The following RABEP1 variants were observed in gnomAD, a reference collection of about 807,000 sequenced individuals.
RABEP1 encodes rabaptin, RAB GTPase binding effector protein 1.
RABEP1 carries 51 observed loss-of-function variants against 123.4 expected under a neutral mutation model. The observed-to-expected ratio is 0.41, with a 90% confidence interval of 0.33 to 0.52. The LOEUF (loss-of-function observed/expected upper bound fraction) is 0.52, where lower values mean the gene tolerates loss of function less well. Ranked by LOEUF, RABEP1 falls within the 20% of genes least tolerant of loss-of-function variation. The probability of loss-of-function intolerance (pLI) is 0.16; values close to 1 mark genes in which losing one functional copy is unlikely to be tolerated. For synonymous variants in RABEP1, 347 were observed against 355.2 expected, an observed-to-expected ratio of 0.98 and a Z score of 0.26; for missense variants, 888 against 996.3, an observed-to-expected ratio of 0.89 and a Z score of 1.46.
chr17:5,367,543 A>G (rs957500924), intron 11 of RABEP1, among the ~76,000 whole-genome samples: 4 of 151,836 alleles, frequency 2.6e-5, no homozygotes, highest in Non-Finnish European at 4.4e-5. Flanking sequence ...TGCTAGGATT[A>G]CAGGCGTGAG....
At chr17:5,362,170 A>C in intron 9 of RABEP1, 1 of 161,906 alleles carries the variant, frequency 6.2e-6, no homozygotes, top group Non-Finnish European at 1.4e-5. Context: ...CTCCTTAGAG[A>C]ATTTGTAAAT....
intron 2 of RABEP1, among the ~76,000 whole-genome samples, chr17:5,323,546 C>A (rs1417403665): frequency 2.7e-5 from 4 of 150,596 alleles, no homozygotes; most frequent in African/African-American, 9.8e-5. Flanking sequence ...TTAATATATA[C>A]CAACAGTGAA....
rs372488968 is a variant in RABEP1, at chr17:5,332,120, A to G, written c.335A>G (p.Glu112Gly). 1.2e-6 allele frequency: 2 copies of G among 1,614,100 alleles called. No individual in the cohort carries two copies. Among genetic ancestry groups the G allele is most frequent in the Non-Finnish European group, 1.7e-6 (2 of 1,180,020 alleles). ...GATGAAGTGAAAAGACAGTGGAGAG[A>G]AGAAGTTGCTTCACTTCAGGCTGTT... Reference protein sequence around the residue: ...AIDEVKRQWREEVASLQAVMK... With the variant: ...AIDEVKRQWRGEVASLQAVMK... Residue 112 changes from glutamate (E) to glycine (G), a missense_variant, in exon 3 of 18, where the codon GAA becomes GGA. Transcript: ENST00000537505.
intron 12 of RABEP1, among the ~76,000 whole-genome samples, chr17:5,369,699 C>CT (rs888010808): frequency 4.2e-4 from 62 of 146,786 alleles, no homozygotes; most frequent in South Asian, 1.5e-3. Context: ...TCCTTCTTGT[C>CT]TTTTTTTTTT....
intron 8 of RABEP1, among the ~76,000 whole-genome samples, chr17:5,354,826 A>G (rs564859914): frequency 6.6e-6 from 1 of 152,302 alleles, no homozygotes; most frequent in East Asian, 1.9e-4. Flanking sequence ...TTTTTGTTTA[A>G]AAAGAGATTA....
At chr17:5,338,892 C>T (rs1907329610) in intron 5 of RABEP1, among the ~76,000 whole-genome samples, 1 of 152,140 alleles carries the variant, frequency 6.6e-6, no homozygotes, top group Non-Finnish European at 1.5e-5. Context: ...TGTTGTGGCT[C>T]ACACCTGTAA....
At chr17:5,340,517 T>C (rs1185683409) in intron 5 of RABEP1, among the ~76,000 whole-genome samples, 1 of 152,004 alleles carries the variant, frequency 6.6e-6, no homozygotes, top group African/African-American at 2.4e-5. Context: ...CCCAATTCTG[T>C]AACTATGGGT....
At chr17:5,362,274 A>G (rs1343236617) in intron 9 of RABEP1, among the ~76,000 whole-genome samples, 1 of 152,242 alleles carries the variant, frequency 6.6e-6, no homozygotes, top group Admixed American at 6.5e-5. Context: ...TTTAAGCTTT[A>G]TCATTATAAT....
At chr17:5,374,722 C>G (rs1180940413) in intron 13 of RABEP1, among the ~76,000 whole-genome samples, 1 of 152,214 alleles carries the variant, frequency 6.6e-6, no homozygotes. Flanking sequence ...TTACTGCAAC[C>G]TCTGTCTCCC....
At chr17:5,347,955 A>G (rs1048350641) in intron 6 of RABEP1, among the ~76,000 whole-genome samples, 3 of 152,200 alleles carry the variant, frequency 2.0e-5, no homozygotes, top group African/African-American at 7.2e-5. Context: ...AGTAATTTCC[A>G]TACTGAAACA....
chr17:5,341,314 A>G (rs1442726812), intron 5 of RABEP1, among the ~76,000 whole-genome samples: 3 of 152,198 alleles, frequency 2.0e-5, no homozygotes, highest in African/African-American at 7.2e-5. Context: ...GAAATTTAAA[A>G]ATAACAAATA....
chr17:5,350,735 G>T, intron 7 of RABEP1, 106 bp downstream of exon 7: 1 of 1,182,388 alleles, frequency 8.5e-7, no homozygotes, highest in Non-Finnish European at 1.2e-6. Context: ...CTGCAACAAG[G>T]TGATAAAGGT....
intron 8 of RABEP1, among the ~76,000 whole-genome samples, chr17:5,358,672 G>GAA (rs10638024): frequency 0.13 from 18,715 of 141,986 alleles, 1,877 homozygotes; most frequent in East Asian, 0.51. Context: ...CTGTCTCCAG[G>GAA]AAAAAAAAAA....
At chr17:5,301,854 A>T (rs912326155) in intron 1 of RABEP1, among the ~76,000 whole-genome samples, 1 of 152,162 alleles carries the variant, frequency 6.6e-6, no homozygotes, top group Non-Finnish European at 1.5e-5. Context: ...GTTTAATAGC[A>T]GTTCAAGTGG....
In RABEP1 at chr17:5,346,890, A is replaced by G. The variant is rs1446127964; in HGVS notation, c.749A>G (p.Glu250Gly). 1 of 1,606,036 alleles carries G rather than the reference A, an allele frequency of 6.2e-7. No homozygotes were observed. The highest frequency in any genetic ancestry group is 8.5e-7 in the Non-Finnish European group (1 of 1,175,232). The change falls in exon 6 of 18, where the codon GAA becomes GGA. Residue 250 changes from glutamate (E) to glycine (G), a missense_variant. Coordinates refer to ENST00000537505, the MANE Select transcript of RABEP1 (RefSeq NM_004703.6). ...AATACTCAGAAATCTGTTCTACAGG[A>G]AGATGCTGAGAAACTGCGGAAAGAA... is the stretch of plus-strand genomic sequence containing the variant. ...VLNTQKSVLQEDAEKLRKELH... is the reference protein window; with the variant it reads ...VLNTQKSVLQGDAEKLRKELH...
chr17:5,357,030 A>G (rs998122771), intron 8 of RABEP1, among the ~76,000 whole-genome samples: 1 of 151,988 alleles, frequency 6.6e-6, no homozygotes, highest in Non-Finnish European at 1.5e-5. Flanking sequence ...GGCATGAGCC[A>G]CCACGCCAGG....
intron 6 of RABEP1, 125 bp downstream of exon 6, chr17:5,347,050 G>A (rs1331564629): frequency 3.5e-6 from 3 of 860,878 alleles, no homozygotes; most frequent in African/African-American, 1.7e-5. Flanking sequence ...TTTAAGCCTT[G>A]TAGTTGGTTT....
At chr17:5,372,655 G>GAA (rs1336096211) in intron 12 of RABEP1, among the ~76,000 whole-genome samples, 1 of 152,212 alleles carries the variant, frequency 6.6e-6, no homozygotes, top group Non-Finnish European at 1.5e-5. Context: ...AGTTGTCTTA[G>GAA]AGTACATGCT....
chr17:5,361,064 CTTAGTG>C, intron 8 of RABEP1, 138 bp from the exon 9 acceptor site: 1 of 732,358 alleles, frequency 1.4e-6, no homozygotes, highest in Non-Finnish European at 2.2e-6. Flanking sequence ...AGAAATGACA[CTTAGTG>C]TTTGTTCAAT....
Sources: gnomAD v4.1 joint callset for allele counts (sites outside exome capture counted in the v4.1 genomes callset) on GRCh38, gnomAD v4.1.1 for gene constraint, MANE v1.5 for transcripts, NCBI Gene and HGNC (gene_info 2026-07-23, HGNC 2026-07-21) for gene names.